PTPN21: variants seen among roughly 807,000 people sequenced by gnomAD.
PTPN21 encodes protein tyrosine phosphatase non-receptor type 21, also known as tyrosine-protein phosphatase non-receptor type 21.
PTPN21 carries 77 observed loss-of-function variants against 131.8 expected under a neutral mutation model. That is an observed-to-expected ratio of 0.58 (90% CI 0.49 to 0.71). The LOEUF is 0.71. PTPN21 is among the 30% of genes least tolerant of loss of function. The probability of loss-of-function intolerance (pLI) is 0.00; values close to 1 mark genes in which losing one functional copy is unlikely to be tolerated. For missense variants in PTPN21, 1,552 were observed against 1,527.1 expected (o/e 1.02, Z -0.27); for synonymous variants, 715 against 621.3 (o/e 1.15, Z -2.24).
At chr14:88,546,157 G>A (rs747707464) in intron 2 of PTPN21, among the ~76,000 whole-genome samples, 1 of 150,404 alleles carries the variant, frequency 6.6e-6, no homozygotes, top group Non-Finnish European at 1.5e-5. Context: ...AAATATGACA[G>A]CTAAAAATAC....
chr14:88,545,927 G>A (rs1470077298), intron 2 of PTPN21, among the ~76,000 whole-genome samples: 1 of 150,124 alleles, frequency 6.7e-6, no homozygotes, highest in Admixed American at 6.6e-5. Flanking sequence ...GGGAGACGGA[G>A]GTTGCAGTGA....
At chr14:88,498,812 T>C (rs2077964682) in intron 8 of PTPN21, among the ~76,000 whole-genome samples, 1 of 152,236 alleles carries the variant, frequency 6.6e-6, no homozygotes, top group Non-Finnish European at 1.5e-5. Flanking sequence ...TTTATCGTAT[T>C]AGCTTTTATA....
chr14:88,540,941 G>T (rs1399252200), intron 2 of PTPN21, among the ~76,000 whole-genome samples: 3 of 152,148 alleles, frequency 2.0e-5, no homozygotes, highest in African/African-American at 7.2e-5. Flanking sequence ...ATGATTACAG[G>T]CATGAGCCAC....
intron 2 of PTPN21, among the ~76,000 whole-genome samples, chr14:88,523,810 A>G (rs1283035496): frequency 2.6e-5 from 4 of 151,934 alleles, no homozygotes; most frequent in Non-Finnish European, 5.9e-5. Flanking sequence ...TACAAGATCA[A>G]CATGCAAAAA....
intron 8 of PTPN21, among the ~76,000 whole-genome samples, chr14:88,497,791 A>C (rs990251469): frequency 2.7e-5 from 4 of 150,242 alleles, no homozygotes; most frequent in Admixed American, 2.0e-4. Context: ...ACAAACAAAC[A>C]AAGAAACAAA....
intron 2 of PTPN21, among the ~76,000 whole-genome samples, chr14:88,544,716 G>GCACTGAAGCAC (rs1469745213): frequency 1.2e-4 from 18 of 152,302 alleles, no homozygotes; most frequent in South Asian, 4.1e-4. Context: ...AGGCAGACAG[G>GCACTGAAGCAC]CACTGAAGCA....
At chr14:88,531,112 A>C (rs1038782804) in intron 2 of PTPN21, among the ~76,000 whole-genome samples, 1 of 152,248 alleles carries the variant, frequency 6.6e-6, no homozygotes, top group African/African-American at 2.4e-5. Flanking sequence ...AATGGAATAA[A>C]ACTGGAAATT....
rs1030112054 is a variant in PTPN21 at position 88,469,179 on chromosome 14, A to G, written c.3236-103T>C. 3.8e-6 allele frequency: 5 copies of G among 1,304,780 alleles called. No homozygotes were observed. In the African/African-American group the frequency reaches 7.4e-5, roughly 19 times the overall value. 80.8% of individuals were successfully genotyped at this position (1,304,780 alleles called of 1,614,324 possible). ...TCCACTGATTAAGAGGACTGCAGAT[A>G]AAGAGCACTGGGTGCCAGTGAACCA... On this transcript the variant is annotated intron_variant, in intron 17 of 18. Transcript: ENST00000556564. The surrounding 1 kb of genome is among the most constrained non-coding windows in gnomAD (Gnocchi z 4.3).
rs1441189847 is a variant in PTPN21 at position 88,468,903 on chromosome 14, T to C, written c.3396+13A>G. ...TCCACCCAAAAAGGCCAGGTGATCA[T>C]AAGCGCCATCACCTCATTGTGTTCC... is the stretch of plus-strand genomic sequence containing the variant. On this transcript the variant is annotated intron_variant, in intron 18 of 18. Coordinates refer to ENST00000556564, the MANE Select transcript of PTPN21 (RefSeq NM_007039.4). The C allele has an allele frequency of 4.3e-6, 7 of 1,613,832 alleles. No homozygotes were observed. The African/African-American group carries it at 5.3e-5, about 12-fold the overall frequency.
chr14:88,480,789 T>C (rs1183014122), intron 12 of PTPN21, among the ~76,000 whole-genome samples: 3 of 152,188 alleles, frequency 2.0e-5, no homozygotes. Flanking sequence ...GAAATTTTTA[T>C]TGTTCTTCCC....
chr14:88,549,634 T>C (rs1054622944), intron 2 of PTPN21, among the ~76,000 whole-genome samples: 3 of 152,106 alleles, frequency 2.0e-5, no homozygotes, highest in African/African-American at 4.8e-5. Context: ...AGACAGAGTT[T>C]GTTGCCCAGG....
At chr14:88,518,101 G>A (rs892692048) in intron 2 of PTPN21, among the ~76,000 whole-genome samples, 4 of 144,990 alleles carry the variant, frequency 2.8e-5, no homozygotes, top group Non-Finnish European at 6.0e-5. Context: ...TTGAGTTTTT[G>A]CCTCTGTTTC....
rs559194565 is a variant in PTPN21 at position 88,533,421 on chromosome 14, T to C, written c.181-16160A>G. The stretch of plus-strand genomic sequence containing the variant: ...GTTGCAGTGCAATGCATTACTCACA[T>C]GTCTGTAGTGATGCTGGTATAAACA... On this transcript the variant is annotated intron_variant, in intron 2 of 18. Transcript: ENST00000556564. 7.9e-5 allele frequency among the ~76,000 whole-genome samples: 12 copies of C among 152,372 alleles called. No homozygotes were observed. In the South Asian group the frequency reaches 2.5e-3, roughly 32 times the overall value.
rs1418817888 is a variant in PTPN21 at position 88,479,974 on chromosome 14, G to A, written c.1457C>T (p.Pro486Leu). ...NIGSSYAYSRPAALVYSQPEI... is the reference protein window; with the variant it reads ...NIGSSYAYSRLAALVYSQPEI... The stretch of plus-strand genomic sequence containing the variant: ...GGGCTGGCTGTAGACCAGCGCCGCG[G>A]GCCTGCTGTAGGCGTACGAGCTGCC... The change falls in exon 13 of 19, where the codon CCC (proline) becomes CTC (leucine). Residue 486 changes from proline to leucine, a missense_variant. By Grantham distance (98) the Pro-to-Leu change is moderately conservative (BLOSUM62 -3). Coordinates refer to ENST00000556564, the MANE Select transcript of PTPN21 (RefSeq NM_007039.4). 6.2e-7 allele frequency: 1 copy of A among 1,610,242 alleles called. No homozygotes were observed. The highest frequency in any genetic ancestry group is 1.7e-5 in the Admixed American group (1 of 60,020).
chr14:88,480,935 G>A (rs1309210059), intron 12 of PTPN21, among the ~76,000 whole-genome samples: 1 of 152,200 alleles, frequency 6.6e-6, no homozygotes, highest in East Asian at 1.9e-4. Context: ...TTAAACAGCT[G>A]CAGCTGCCCC....
In PTPN21 at chr14:88,477,458, A is replaced by AG. The variant is rs978971444; in HGVS notation, c.2511+1461_2511+1462insC. ...GGCAAGACTGTTCTAAAAAAAAAAA[A>AG]AAAAAAAAAAAAGCAAATTTAAATC... On this transcript the variant is annotated intron_variant, in intron 13 of 18. Transcript: ENST00000556564. Among the ~76,000 whole-genome samples the AG allele has an allele frequency of 5.5e-5, 8 of 146,772 alleles. 1 individual carries two copies. Among genetic ancestry groups the AG allele is most frequent in the Non-Finnish European group, 1.2e-4 (8 of 67,682 alleles).
intron 1 of PTPN21, among the ~76,000 whole-genome samples, chr14:88,552,864 G>A (rs1219172354): frequency 1.3e-5 from 2 of 152,102 alleles, no homozygotes; most frequent in African/African-American, 2.4e-5. Flanking sequence ...TAAACCAAGA[G>A]TAAATATTTA....
At chr14:88,534,384 A>C (rs2139344784) in intron 2 of PTPN21, among the ~76,000 whole-genome samples, 1 of 151,906 alleles carries the variant, frequency 6.6e-6, no homozygotes, top group Admixed American at 6.6e-5. Context: ...CTGTCTCAAA[A>C]GAAAAAAAAA....
At chr14:88,508,167 T>TC (rs2139289617) in intron 3 of PTPN21, 147 bp from the exon 4 acceptor site, 1 of 504,946 alleles carries the variant, frequency 2.0e-6, no homozygotes, top group South Asian at 2.6e-5. Context: ...TTTTTTTTTT[T>TC]AGATAGGGTC....
Sources: gnomAD v4.1 joint callset for allele counts (sites outside exome capture counted in the v4.1 genomes callset) on GRCh38, gnomAD v4.1.1 for gene constraint, Gnocchi (gnomAD v3.1) non-coding constraint, MANE v1.5 for transcripts, NCBI Gene and HGNC (gene_info 2026-07-23, HGNC 2026-07-21) for gene names.